CNTNAP2: variants seen among roughly 807,000 people sequenced by gnomAD.
The protein encoded by CNTNAP2 is contactin associated protein 2, also known as contactin-associated protein-like 2.
In CNTNAP2, 98 loss-of-function variants were observed where a neutral mutation model predicts 155.2. That is an observed-to-expected ratio of 0.63 (90% CI 0.54 to 0.75). The LOEUF (loss-of-function observed/expected upper bound fraction) is 0.75. CNTNAP2 is among the 30% of genes least tolerant of loss of function. The pLI, the probability that CNTNAP2 is intolerant of heterozygous loss-of-function variation, is 0.00. For synonymous variants in CNTNAP2, 651 were observed against 631.2 expected (o/e 1.03, Z -0.47); for missense variants, 1,727 against 1,688.1 (o/e 1.02, Z -0.40).
At position 148,104,314 on chromosome 7, in the gene CNTNAP2, A is replaced by C. The variant is rs559704947; in HGVS notation, c.2384-13804A>C. ...GTAATCGTATGGATCATATCAACCC[A>C]TTACCCTGGGTATAGAGCAGTTTCC... On this transcript the variant is annotated intron_variant, in intron 15 of 23. Transcript: ENST00000361727. Among the ~76,000 whole-genome samples the C allele has an allele frequency of 1.6e-4, 24 of 152,340 alleles. No individual in the cohort carries two copies. In the South Asian group the frequency reaches 4.3e-3, roughly 28 times the overall value.
rs1563131988 is a variant in CNTNAP2, at chr7:147,246,068, G to GCATATATATATATACATATATATGC, written c.1349-54049_1349-54048insCCATATATATATATACATATATATG. ...GCATATATATATACACATATATATG[G>GCATATATATATATACATATATATGC]CATATATATATATACATATATATGG... On this transcript the variant is annotated intron_variant, in intron 8 of 23. Transcript: ENST00000361727. Among the ~76,000 whole-genome samples the GCATATATATATATACATATATATGC allele has an allele frequency of 2.2e-3, 320 of 147,444 alleles. 2 individuals carry two copies. Among genetic ancestry groups the GCATATATATATATACATATATATGC allele is most frequent in the African/African-American group, 7.1e-3 (287 of 40,166 alleles).
chr7:147,546,867 T>C (rs570730764), intron 11 of CNTNAP2, among the ~76,000 whole-genome samples: 53 of 152,320 alleles, frequency 3.5e-4, no homozygotes, highest in Middle Eastern at 3.4e-3. Context: ...GCATTGACTT[T>C]ACCAGATTTT....
At chr7:146,683,640 A>G (rs765033751) in intron 1 of CNTNAP2, among the ~76,000 whole-genome samples, 1 of 152,158 alleles carries the variant, frequency 6.6e-6, no homozygotes. Flanking sequence ...TGTGTTGTGC[A>G]TTTGTATGTT....
chr7:146,950,915 G>A (rs756099556), intron 3 of CNTNAP2, among the ~76,000 whole-genome samples: 31 of 152,146 alleles, frequency 2.0e-4, no homozygotes, highest in Admixed American at 5.2e-4. Context: ...CACCAACAGT[G>A]TAAAAGTGTT....
chr7:146,420,435 T>G lies in CNTNAP2; in HGVS notation c.97+303462T>G, dbSNP rs1300506613. On this transcript the variant is annotated intron_variant, in intron 1 of 23. Coordinates refer to ENST00000361727, the MANE Select transcript of CNTNAP2 (RefSeq NM_014141.6). ...TATTTACCAGATCATTGGAGACAGG[T>G]GCAATAGTGAATTCGCATTTTTAAC... is the stretch of plus-strand genomic sequence containing the variant. 4.4e-4 allele frequency among the ~76,000 whole-genome samples: 67 copies of G among 152,074 alleles called. 1 individual carries two copies. The highest frequency in any genetic ancestry group is 1.5e-5 in the Non-Finnish European group (1 of 67,996).
chr7:148,101,874 T>A (rs1001763586), intron 15 of CNTNAP2, among the ~76,000 whole-genome samples: 2 of 152,174 alleles, frequency 1.3e-5, no homozygotes, highest in Non-Finnish European at 2.9e-5. Flanking sequence ...AAATTCACTT[T>A]TAAAAATATT....
intron 1 of CNTNAP2, among the ~76,000 whole-genome samples, chr7:146,724,656 C>T (rs1426038699): frequency 6.7e-6 from 1 of 149,476 alleles, no homozygotes; most frequent in East Asian, 2.0e-4. Context: ...CCGCAACCTC[C>T]GACTCCGTGG....
rs138803450 is a variant in CNTNAP2, at chr7:147,748,571, C to T, written c.2098+109265C>T. 8.1e-3 allele frequency among the ~76,000 whole-genome samples: 1,241 copies of T among 152,270 alleles called. 11 individuals are homozygous for T. Among genetic ancestry groups the T allele is most frequent in the Middle Eastern group, 0.048 (14 of 294 alleles). On this transcript the variant is annotated intron_variant, in intron 13 of 23. Coordinates refer to ENST00000361727, the MANE Select transcript of CNTNAP2 (RefSeq NM_014141.6). ...TCAGGCACGAGTATATCCAAGGATT[C>T]ACAAGATGCCATTAGGAGCATGTTT...
chr7:146,580,364 T>C (rs1377157759), intron 1 of CNTNAP2, among the ~76,000 whole-genome samples: 1 of 152,012 alleles, frequency 6.6e-6, no homozygotes, highest in Non-Finnish European at 1.5e-5. Context: ...CACACCTTTA[T>C]ATAACTATTA....
intron 1 of CNTNAP2, among the ~76,000 whole-genome samples, chr7:146,145,934 T>A (rs1224612578): frequency 5.3e-5 from 8 of 152,164 alleles, no homozygotes; most frequent in Admixed American, 5.2e-4. Flanking sequence ...AATTTCATAC[T>A]TATTATATAA....
At chr7:147,341,763 T>TAC (rs927596772) in intron 9 of CNTNAP2, among the ~76,000 whole-genome samples, 1 of 93,298 alleles carries the variant, frequency 1.1e-5, no homozygotes, top group African/African-American at 4.0e-5. Flanking sequence ...CACACACACA[T>TAC]ACACATACAC....
At chr7:148,328,487 GTAGATTCCAT>G (rs1455345039) in intron 21 of CNTNAP2, among the ~76,000 whole-genome samples, 1 of 101,460 alleles carries the variant, frequency 9.9e-6, no homozygotes, top group East Asian at 6.1e-4. Context: ...TTGTCTGTCT[GTAGATTCCAT>G]CTCTTGGTGT....
At chr7:148,318,789 C>T (rs1032876157) in intron 21 of CNTNAP2, among the ~76,000 whole-genome samples, 1 of 152,204 alleles carries the variant, frequency 6.6e-6, no homozygotes, top group Non-Finnish European at 1.5e-5. Context: ...TTTCAATCTC[C>T]ATGTGACAAG....
chr7:148,260,196 C>T (rs778332170), intron 20 of CNTNAP2, among the ~76,000 whole-genome samples: 3 of 152,152 alleles, frequency 2.0e-5, no homozygotes, highest in Non-Finnish European at 4.4e-5. Context: ...AGTATTTTCT[C>T]TTTTAAATGT....
chr7:147,194,712 A>G lies in CNTNAP2; in HGVS notation c.1348+62203A>G, dbSNP rs569491492. ...TTTTTTTCATATGTTTGTTGGCTGCATAAATGTGTTTGAGAAGTGTCTGTT... is the reference window on the plus strand; with the variant it reads ...TTTTTTTCATATGTTTGTTGGCTGCGTAAATGTGTTTGAGAAGTGTCTGTT... On this transcript the variant is annotated intron_variant, in intron 8 of 23. Coordinates refer to ENST00000361727, the MANE Select transcript of CNTNAP2 (RefSeq NM_014141.6). 7.2e-5 allele frequency among the ~76,000 whole-genome samples: 11 copies of G among 152,286 alleles called. No homozygotes were observed. The South Asian group carries it at 1.9e-3, about 26-fold the overall frequency.
chr7:146,306,232 T>A (rs911488363), intron 1 of CNTNAP2, among the ~76,000 whole-genome samples: 6 of 151,792 alleles, frequency 4.0e-5, no homozygotes, highest in African/African-American at 4.8e-5. Flanking sequence ...CAATAACAGG[T>A]TCTGAAATTG....
At chr7:147,160,232 A>G (rs1480860342) in intron 8 of CNTNAP2, among the ~76,000 whole-genome samples, 1 of 152,144 alleles carries the variant, frequency 6.6e-6, no homozygotes, top group Non-Finnish European at 1.5e-5. Flanking sequence ...TTCAATATAC[A>G]GAACCATACG....
intron 2 of CNTNAP2, among the ~76,000 whole-genome samples, chr7:146,798,032 G>C (rs918619803): frequency 6.6e-6 from 1 of 152,128 alleles, no homozygotes; most frequent in Non-Finnish European, 1.5e-5. Flanking sequence ...CCAGCACTTT[G>C]GGAGGCTGAG....
At chr7:146,958,931 A>T (rs1485790351) in intron 3 of CNTNAP2, among the ~76,000 whole-genome samples, 3 of 152,032 alleles carry the variant, frequency 2.0e-5, no homozygotes, top group Non-Finnish European at 4.4e-5. Flanking sequence ...CACTAATAAG[A>T]TTGTCGTTTC....
Sources: gnomAD v4.1 joint callset for allele counts (sites outside exome capture counted in the v4.1 genomes callset) on GRCh38, gnomAD v4.1.1 for gene constraint, MANE v1.5 for transcripts, NCBI Gene and HGNC (gene_info 2026-07-23, HGNC 2026-07-21) for gene names.